TENM4: variants seen among roughly 807,000 people sequenced by gnomAD.
TENM4 encodes teneurin transmembrane protein 4.
A neutral mutation model predicts 243.3 loss-of-function variants in TENM4; 82 were observed. That is an observed-to-expected ratio of 0.34 (90% CI 0.28 to 0.40). The LOEUF is 0.40. Among genes scored for constraint, TENM4 ranks in the 10% least tolerant of loss-of-function variants. The pLI, the probability that TENM4 is intolerant of heterozygous loss-of-function variation, is 1.00. For synonymous variants in TENM4, 1,412 were observed against 1,456.3 expected (o/e 0.97, Z 0.69); for missense variants, 3,138 against 3,673.3 (o/e 0.85, Z 3.77).
intron 2 of TENM4, among the ~76,000 whole-genome samples, chr11:79,264,538 C>T (rs1565274848): frequency 6.6e-6 from 1 of 152,142 alleles, no homozygotes; most frequent in Non-Finnish European, 1.5e-5. Context: ...CCTGAATATT[C>T]AAGGAAGGTT....
intron 6 of TENM4, among the ~76,000 whole-genome samples, chr11:78,975,013 C>G (rs1214101328): frequency 6.6e-6 from 1 of 151,972 alleles, no homozygotes; most frequent in African/African-American, 2.4e-5. Flanking sequence ...CCAGCCCCAG[C>G]TACACATCCA....
chr11:79,236,550 C>T (rs988621055), intron 2 of TENM4, among the ~76,000 whole-genome samples: 4 of 152,086 alleles, frequency 2.6e-5, no homozygotes, highest in Non-Finnish European at 5.9e-5. Context: ...ACTTTGTGCT[C>T]GCTTTGTTGT....
intron 4 of TENM4, among the ~76,000 whole-genome samples, chr11:79,135,147 A>G (rs1358306251): frequency 1.3e-5 from 2 of 152,124 alleles, no homozygotes; most frequent in African/African-American, 4.8e-5. Flanking sequence ...CAAATCAGTA[A>G]GCAAAAAACA....
chr11:79,060,792 G>A (rs1432947201), intron 6 of TENM4, among the ~76,000 whole-genome samples: 1 of 152,200 alleles, frequency 6.6e-6, no homozygotes, highest in African/African-American at 2.4e-5. Context: ...GGAGATTAAA[G>A]GCAATTGCAC....
intron 30 of TENM4, among the ~76,000 whole-genome samples, chr11:78,673,503 T>A (rs10400310): frequency 6.6e-6 from 1 of 151,938 alleles, no homozygotes; most frequent in African/African-American, 2.4e-5. Context: ...TGGATCCCTG[T>A]GTGGTTAAAA....
At chr11:79,371,893 G>A (rs901091241) in intron 1 of TENM4, among the ~76,000 whole-genome samples, 1 of 152,132 alleles carries the variant, frequency 6.6e-6, no homozygotes, top group African/African-American at 2.4e-5. Context: ...GATGATTGGG[G>A]CAAATGGTCC....
At chr11:79,186,993 T>C (rs1863391976) in intron 3 of TENM4, among the ~76,000 whole-genome samples, 1 of 152,212 alleles carries the variant, frequency 6.6e-6, no homozygotes, top group Admixed American at 6.5e-5. Context: ...TAAGAAACTC[T>C]CACTGGAGAG....
intron 1 of TENM4, among the ~76,000 whole-genome samples, chr11:79,361,180 G>A (rs1314572255): frequency 6.6e-6 from 1 of 152,200 alleles, no homozygotes; most frequent in African/African-American, 2.4e-5. Flanking sequence ...CCCCTCTGCA[G>A]AAATTGGGGA....
chr11:79,195,008 C>G (rs532471302), intron 3 of TENM4, among the ~76,000 whole-genome samples: 1 of 152,166 alleles, frequency 6.6e-6, no homozygotes, highest in East Asian at 1.9e-4. Flanking sequence ...CCCTGTGTCC[C>G]AGCCACTCCA....
intron 1 of TENM4, among the ~76,000 whole-genome samples, chr11:79,311,493 G>C (rs551807560): frequency 3.3e-5 from 5 of 152,320 alleles, no homozygotes; most frequent in Admixed American, 3.3e-4. Flanking sequence ...TGTTTCCTCA[G>C]GCTTTGCCTC....
At chr11:79,402,400 G>T (rs1227995283) in intron 1 of TENM4, among the ~76,000 whole-genome samples, 2 of 152,158 alleles carry the variant, frequency 1.3e-5, no homozygotes, top group Non-Finnish European at 2.9e-5. Context: ...CTTTAGTAGA[G>T]CTTGCCCCTT....
intron 6 of TENM4, among the ~76,000 whole-genome samples, chr11:78,965,359 A>C (rs1857416110): frequency 6.6e-6 from 1 of 152,008 alleles, no homozygotes; most frequent in Non-Finnish European, 1.5e-5. Context: ...GTTTTGGAAA[A>C]GTTCTGTCTA....
chr11:79,146,200 A>G (rs564989833), intron 4 of TENM4, among the ~76,000 whole-genome samples: 3 of 152,262 alleles, frequency 2.0e-5, no homozygotes, highest in Admixed American at 2.0e-4. Flanking sequence ...ATACACAATT[A>G]TGCAGTCTTT....
chr11:78,946,879 AC>A (rs902530641), intron 6 of TENM4, among the ~76,000 whole-genome samples: 1 of 152,186 alleles, frequency 6.6e-6, no homozygotes, highest in African/African-American at 2.4e-5. Flanking sequence ...TCATGATAAA[AC>A]TTTTATGGAT....
chr11:78,658,000 C>T lies in TENM4; in HGVS notation c.*58G>A. The T allele has an allele frequency of 1.2e-6, 2 of 1,606,554 alleles. No homozygotes were observed. The highest frequency in any genetic ancestry group is 1.7e-6 in the Non-Finnish European group (2 of 1,175,040). ...CATTTTTTTAAAAGTACAACACAGTCAGGTATGCGGCCACAAAAGAGTAGC... is the reference window on the plus strand; with the variant it reads ...CATTTTTTTAAAAGTACAACACAGTTAGGTATGCGGCCACAAAAGAGTAGC... On this transcript the variant is annotated 3_prime_UTR_variant, in exon 34 of 34. Transcript: ENST00000278550.
chr11:79,419,945 T>A (rs1355234591), intron 1 of TENM4, among the ~76,000 whole-genome samples: 4 of 152,110 alleles, frequency 2.6e-5, no homozygotes, highest in Admixed American at 2.6e-4. Context: ...CTATGTGATA[T>A]TTTATGTGTA....
At chr11:78,793,349 CAT>C (rs1565381276) in intron 15 of TENM4, among the ~76,000 whole-genome samples, 1 of 152,188 alleles carries the variant, frequency 6.6e-6, no homozygotes. Context: ...AAATTCCAGT[CAT>C]GTGGAAACAG....
chr11:78,997,920 G>C (rs759158886), intron 6 of TENM4, among the ~76,000 whole-genome samples: 2 of 152,154 alleles, frequency 1.3e-5, no homozygotes, highest in Non-Finnish European at 1.5e-5. Context: ...GAAAAGAGAA[G>C]TCTTCTCTCT....
intron 12 of TENM4, among the ~76,000 whole-genome samples, chr11:78,828,978 T>C (rs972562753): frequency 6.6e-6 from 1 of 152,230 alleles, no homozygotes; most frequent in African/African-American, 2.4e-5. Context: ...GGGTGGCCTG[T>C]GGGGCCATCT....
Sources: allele counts gnomAD v4.1 joint callset (sites outside exome capture counted in the v4.1 genomes callset), GRCh38; gene constraint gnomAD v4.1.1; transcripts MANE v1.5; gene names NCBI Gene and HGNC (gene_info 2026-07-23, HGNC 2026-07-21).